YPEL2: variants seen among roughly 807,000 people sequenced by gnomAD.
The protein encoded by YPEL2 is protein yippee-like 2.
YPEL2 carries 2 observed loss-of-function variants against 19.1 expected under a neutral mutation model. The observed-to-expected ratio is 0.10, with a 90% CI of 0.04 to 0.33. YPEL2 has a LOEUF of 0.33. Ranked by LOEUF, YPEL2 falls within the 10% of genes least tolerant of loss-of-function variation. The pLI, the probability that YPEL2 is intolerant of heterozygous loss-of-function variation, is 1.00. For missense variants in YPEL2, 66 were observed against 140.7 expected (o/e 0.47, Z 2.68); for synonymous variants, 52 against 50.0 (o/e 1.04, Z -0.17).
At chr17:59,333,083 A>T (rs1365249558) in intron 1 of YPEL2, among the ~76,000 whole-genome samples, 3 of 152,200 alleles carry the variant, frequency 2.0e-5, no homozygotes, top group African/African-American at 4.8e-5. Context: ...ACTTGATTTC[A>T]CATGGTTATT....
intron 1 of YPEL2, among the ~76,000 whole-genome samples, chr17:59,337,181 T>TTC (rs1484233444): frequency 7.9e-6 from 1 of 126,472 alleles, no homozygotes; most frequent in Non-Finnish European, 1.7e-5. Flanking sequence ...ATGGGAGAAA[T>TTC]TCTTTTTTTT....
At chr17:59,388,109 GA>G (rs2147956976) in intron 2 of YPEL2, among the ~76,000 whole-genome samples, 1 of 152,340 alleles carries the variant, frequency 6.6e-6, no homozygotes, top group South Asian at 2.1e-4. Context: ...CTGGGCTAGT[GA>G]AAACAGTCCG....
rs2047670569 is a variant in YPEL2 at position 59,331,777 on chromosome 17, C to T, written c.-243C>T. Reference sequence around the variant, plus strand: ...GGCCGCGCTTCGCCGCTGCGCACCCCAGCGGAGCCAAGCCCCACGCTGGCC... The same window carrying T: ...GGCCGCGCTTCGCCGCTGCGCACCCTAGCGGAGCCAAGCCCCACGCTGGCC... On this transcript the variant is annotated 5_prime_UTR_variant, in exon 1 of 5. Transcript: ENST00000312655. 6.6e-6 allele frequency: 1 copy of T among 152,026 alleles called. No homozygotes were observed. The highest frequency in any genetic ancestry group is 2.1e-4 in the South Asian group (1 of 4,834). 9.4% of individuals were successfully genotyped at this position (152,026 alleles called of 1,614,324 possible).
At chr17:59,377,325 A>G (rs993831088) in intron 2 of YPEL2, among the ~76,000 whole-genome samples, 4 of 152,208 alleles carry the variant, frequency 2.6e-5, no homozygotes, top group Non-Finnish European at 5.9e-5. Flanking sequence ...TTGAGCTCCA[A>G]TATTTCAGCC....
intron 2 of YPEL2, among the ~76,000 whole-genome samples, chr17:59,381,902 T>C (rs1468078693): frequency 6.6e-6 from 1 of 152,178 alleles, no homozygotes; most frequent in East Asian, 1.9e-4. Context: ...TTTATTCTAA[T>C]TGCTTCCTTA....
chr17:59,345,182 A>C (rs774093826), intron 1 of YPEL2: 1 of 152,338 alleles, frequency 6.6e-6, no homozygotes, highest in East Asian at 1.9e-4. Flanking sequence ...TCACTACTAC[A>C]TGGAACCAGG....
chr17:59,334,571 AAC>A (rs35386954), intron 1 of YPEL2, among the ~76,000 whole-genome samples: 8,865 of 144,984 alleles, frequency 0.061, 574 homozygotes, highest in African/African-American at 0.17. Flanking sequence ...TTCAGGCACA[AAC>A]ACACACACAC....
At chr17:59,338,804 G>A (rs2047712512) in intron 1 of YPEL2, among the ~76,000 whole-genome samples, 1 of 152,126 alleles carries the variant, frequency 6.6e-6, no homozygotes, top group Non-Finnish European at 1.5e-5. Context: ...AGGGATTCTC[G>A]AAGCTGGCTG....
intron 1 of YPEL2, among the ~76,000 whole-genome samples, chr17:59,342,520 C>T (rs113688928): frequency 0.04 from 6,164 of 152,246 alleles, 160 homozygotes; most frequent in Non-Finnish European, 0.047. Context: ...TTGTAAATGG[C>T]TGTTTTTCAT....
chr17:59,390,462 A>C (rs1230235480), intron 4 of YPEL2, among the ~76,000 whole-genome samples: 1 of 152,196 alleles, frequency 6.6e-6, no homozygotes, highest in Non-Finnish European at 1.5e-5. Flanking sequence ...CATGTTCTGA[A>C]GCCACTGTAC....
intron 1 of YPEL2, among the ~76,000 whole-genome samples, chr17:59,336,930 G>C (rs577134978): frequency 1.4e-3 from 208 of 152,304 alleles, no homozygotes; most frequent in Non-Finnish European, 2.4e-3. Flanking sequence ...GGAAGGACGA[G>C]TTTTCTATCT....
At position 59,401,458 on chromosome 17, in the gene YPEL2, A is replaced by C. The variant is rs977036935; in HGVS notation, c.*4268A>C. On this transcript the variant is annotated 3_prime_UTR_variant, in exon 5 of 5. Coordinates refer to ENST00000312655, the MANE Select transcript of YPEL2 (RefSeq NM_001005404.4). ...CAGTGGGAGTCGGTTCCCTTTCCCA[A>C]CCTGCAGAGACTATCTTCCAATACA... 2 of 152,548 alleles carry C rather than the reference A, an allele frequency of 1.3e-5. No homozygotes were observed. Among genetic ancestry groups the C allele is most frequent in the African/African-American group, 2.4e-5 (1 of 41,426 alleles). 9.4% of individuals were successfully genotyped at this position (152,548 alleles called of 1,614,324 possible). A position where few individuals can be genotyped will look rare whatever the true frequency, so the allele number is the denominator to read the frequency against.
chr17:59,350,075 C>T (rs542038706), intron 1 of YPEL2, among the ~76,000 whole-genome samples: 1 of 152,070 alleles, frequency 6.6e-6, no homozygotes, highest in East Asian at 1.9e-4. Flanking sequence ...GCTTTTTCTT[C>T]CCTTTTTCTT....
At chr17:59,371,379 T>G (rs749720199) in intron 2 of YPEL2, among the ~76,000 whole-genome samples, 10 of 152,234 alleles carry the variant, frequency 6.6e-5, no homozygotes, top group Non-Finnish European at 1.3e-4. Flanking sequence ...CTGTCCCCAA[T>G]CCTCCACTTC....
intron 1 of YPEL2, among the ~76,000 whole-genome samples, chr17:59,349,415 A>G (rs1437048534): frequency 1.4e-5 from 2 of 141,782 alleles, no homozygotes; most frequent in East Asian, 2.1e-4. Context: ...CCAGGCTGCA[A>G]CCTCCGCCTC....
chr17:59,335,441 T>C (rs887980732), intron 1 of YPEL2, among the ~76,000 whole-genome samples: 4 of 152,144 alleles, frequency 2.6e-5, no homozygotes, highest in African/African-American at 9.7e-5. Flanking sequence ...TCCACTCTGC[T>C]TCTTCCTGCT....
At chr17:59,384,437 T>C (rs2047970304) in intron 2 of YPEL2, among the ~76,000 whole-genome samples, 1 of 152,142 alleles carries the variant, frequency 6.6e-6, no homozygotes, top group African/African-American at 2.4e-5. Flanking sequence ...CTATTTAAAA[T>C]CGTGTTTTTT....
At chr17:59,338,323 T>C (rs971413410) in intron 1 of YPEL2, among the ~76,000 whole-genome samples, 1 of 152,212 alleles carries the variant, frequency 6.6e-6, no homozygotes, top group Non-Finnish European at 1.5e-5. Flanking sequence ...CCAAGTTCAG[T>C]TGCACCAGAG....
Position 59,399,715 on chromosome 17 carries a change from TC to T in YPEL2, c.*2526del, listed in dbSNP as rs1315294640. On this transcript the variant is annotated 3_prime_UTR_variant, in exon 5 of 5. Transcript: ENST00000312655. ...CAACGTTCGCTCTGTTCATGGGTTG[TC>T]TATCTAACATTGAGCAGCATTGGAG... 1.3e-5 allele frequency: 2 copies of T among 152,654 alleles called. No homozygotes were observed. The highest frequency in any genetic ancestry group is 2.9e-5 in the Non-Finnish European group (2 of 68,052). 9.5% of individuals were successfully genotyped at this position (152,654 alleles called of 1,614,324 possible).
Sources: allele counts gnomAD v4.1 joint callset (sites outside exome capture counted in the v4.1 genomes callset), GRCh38; gene constraint gnomAD v4.1.1; transcripts MANE v1.5; gene names NCBI Gene and HGNC (gene_info 2026-07-23, HGNC 2026-07-21).